The following GMCL1 variants were observed in gnomAD, a reference collection of about 807,000 sequenced individuals.
GMCL1 encodes the protein germ cell-less protein-like 1.
A neutral mutation model predicts 75.5 loss-of-function variants in GMCL1; 54 were observed. The ratio of observed to expected loss-of-function variants is 0.71; its 90% CI spans 0.57 to 0.90. The LOEUF is 0.90. Among genes scored for constraint, GMCL1 ranks in the 40% least tolerant of loss-of-function variants. The pLI, the probability that GMCL1 is intolerant of heterozygous loss-of-function variation, is 0.00. For synonymous variants in GMCL1, 210 were observed against 209.6 expected (o/e 1.00, Z -0.02); for missense variants, 537 against 622.7 (o/e 0.86, Z 1.47).
chr2:69,832,437 C>G (rs916760605), intron 1 of GMCL1, among the ~76,000 whole-genome samples: 2 of 152,004 alleles, frequency 1.3e-5, no homozygotes, highest in Admixed American at 1.3e-4. Context: ...CTTCTTTATC[C>G]CTAGTAATTT....
At chr2:69,852,772 C>T (rs1052205656) in intron 8 of GMCL1, among the ~76,000 whole-genome samples, 3 of 152,176 alleles carry the variant, frequency 2.0e-5, no homozygotes, top group Non-Finnish European at 2.9e-5. Flanking sequence ...CTTCTGTCCT[C>T]GAGTGATCTG....
At chr2:69,863,025 C>T (rs957252085) in intron 10 of GMCL1, among the ~76,000 whole-genome samples, 2 of 152,122 alleles carry the variant, frequency 1.3e-5, no homozygotes, top group East Asian at 1.9e-4. Flanking sequence ...TACAGAGTCT[C>T]ATCTAAGATA....
At chr2:69,865,980 G>A (rs1421371574) in intron 11 of GMCL1, among the ~76,000 whole-genome samples, 2 of 152,144 alleles carry the variant, frequency 1.3e-5, no homozygotes, top group African/African-American at 4.8e-5. Flanking sequence ...GCTGGGCACG[G>A]CGGCTCATGC....
chr2:69,842,061 A>G (rs564974622), intron 4 of GMCL1, among the ~76,000 whole-genome samples: 13 of 152,368 alleles, frequency 8.5e-5, no homozygotes, highest in South Asian at 2.1e-4. Context: ...AGAATACTTC[A>G]GTAACAATGT....
intron 9 of GMCL1, among the ~76,000 whole-genome samples, chr2:69,855,463 T>A (rs1422846751): frequency 6.6e-6 from 1 of 152,056 alleles, no homozygotes; most frequent in Non-Finnish European, 1.5e-5. Flanking sequence ...TGAATAATTC[T>A]ATTTAGTACT....
intron 13 of GMCL1, among the ~76,000 whole-genome samples, chr2:69,876,628 T>C (rs1357295174): frequency 1.3e-5 from 2 of 152,138 alleles, no homozygotes; most frequent in Non-Finnish European, 2.9e-5. Flanking sequence ...TAGGGACCAC[T>C]GGTATTTAAG....
intron 1 of GMCL1, among the ~76,000 whole-genome samples, chr2:69,835,241 A>G (rs1282216709): frequency 7.2e-5 from 11 of 151,898 alleles, no homozygotes. Context: ...TCTTTGGTTT[A>G]TTTGTTTTTT....
At chr2:69,834,393 G>A (rs1379059423) in intron 1 of GMCL1, among the ~76,000 whole-genome samples, 1 of 152,076 alleles carries the variant, frequency 6.6e-6, no homozygotes, top group Non-Finnish European at 1.5e-5. Context: ...GCTTATTTTA[G>A]GAACTATTTA....
At chr2:69,862,465 G>A (rs1378071035) in intron 10 of GMCL1, among the ~76,000 whole-genome samples, 2 of 151,826 alleles carry the variant, frequency 1.3e-5, no homozygotes, top group Non-Finnish European at 2.9e-5. Flanking sequence ...ATAAATAATA[G>A]TAAGATTGTT....
intron 6 of GMCL1, among the ~76,000 whole-genome samples, chr2:69,845,215 C>T (rs539979398): frequency 6.6e-6 from 1 of 152,348 alleles, no homozygotes; most frequent in Admixed American, 6.5e-5. Flanking sequence ...CCGCCTTCGT[C>T]CTCAAGCGGG....
At chr2:69,852,824 C>T (rs1035764026) in intron 8 of GMCL1, among the ~76,000 whole-genome samples, 2 of 152,192 alleles carry the variant, frequency 1.3e-5, no homozygotes, top group Non-Finnish European at 2.9e-5. Flanking sequence ...CAGGCATGAG[C>T]CACCACACCT....
chr2:69,850,576 G>T (rs1039812358), intron 8 of GMCL1, among the ~76,000 whole-genome samples: 1 of 151,962 alleles, frequency 6.6e-6, no homozygotes, highest in Non-Finnish European at 1.5e-5. Flanking sequence ...CTTTTCTATT[G>T]TGTCCCTCTG....
At chr2:69,837,153 G>A (rs1295020388) in intron 1 of GMCL1, among the ~76,000 whole-genome samples, 2 of 152,020 alleles carry the variant, frequency 1.3e-5, no homozygotes, top group East Asian at 1.9e-4. Context: ...AGATTATTGC[G>A]CTATTTGAGC....
At chr2:69,835,857 T>C (rs1337457649) in intron 1 of GMCL1, among the ~76,000 whole-genome samples, 1 of 152,132 alleles carries the variant, frequency 6.6e-6, no homozygotes, top group East Asian at 1.9e-4. Context: ...TCACACACGG[T>C]TTGGGAACCA....
chr2:69,832,314 T>C (rs572417322), intron 1 of GMCL1, among the ~76,000 whole-genome samples: 1 of 152,334 alleles, frequency 6.6e-6, no homozygotes, highest in East Asian at 1.9e-4. Context: ...ATACCTGCCT[T>C]TTAGGCTTTG....
rs1417009780 is a variant in GMCL1, at chr2:69,829,680, G to A, written c.-213G>A. Reference sequence around the variant, plus strand: ...CCCGCGCTTTGTTGCGAAAGCGAGGGGGCGAGGTGCTGCGGTGCTAGAGCG... The same window carrying A: ...CCCGCGCTTTGTTGCGAAAGCGAGGAGGCGAGGTGCTGCGGTGCTAGAGCG... On this transcript the variant is annotated 5_prime_UTR_variant, in exon 1 of 14. Coordinates refer to ENST00000282570, the MANE Select transcript of GMCL1 (RefSeq NM_178439.5). 3.7e-6 allele frequency: 2 copies of A among 540,186 alleles called. No homozygotes were observed. Among genetic ancestry groups the A allele is most frequent in the Non-Finnish European group, 6.4e-6 (2 of 314,778 alleles). The allele number at this position is 540,186 out of a possible 1,614,324, so 33.5% of individuals were successfully genotyped here.
chr2:69,834,870 C>G (rs762823236), intron 1 of GMCL1, among the ~76,000 whole-genome samples: 4 of 151,746 alleles, frequency 2.6e-5, no homozygotes, highest in Non-Finnish European at 5.9e-5. Flanking sequence ...TGGATTATGC[C>G]TGTCTCTTCT....
intron 13 of GMCL1, among the ~76,000 whole-genome samples, chr2:69,875,019 AC>A (rs1414072307): frequency 6.6e-6 from 1 of 152,208 alleles, no homozygotes; most frequent in Admixed American, 6.5e-5. Flanking sequence ...TGCTGGGATT[AC>A]AGGCATGAGC....
At chr2:69,847,801 A>ATTT (rs1675197737) in intron 7 of GMCL1, among the ~76,000 whole-genome samples, 174 bp downstream of exon 7, 2 of 152,296 alleles carry the variant, frequency 1.3e-5, no homozygotes, top group South Asian at 4.1e-4. Context: ...ATCATTAGTG[A>ATTT]TTTTAACTTT....
Sources: gnomAD v4.1 joint callset for allele counts (sites outside exome capture counted in the v4.1 genomes callset) on GRCh38, gnomAD v4.1.1 for gene constraint, MANE v1.5 for transcripts, NCBI Gene and HGNC (gene_info 2026-07-23, HGNC 2026-07-21) for gene names.